Variants in TCF12 observed in about 807,000 individuals in gnomAD.
The protein encoded by TCF12 is DNA-binding protein HTF4.
A neutral mutation model predicts 86.0 loss-of-function variants in TCF12; 45 were observed. The observed-to-expected ratio is 0.52, with a 90% CI of 0.41 to 0.67. TCF12 has a LOEUF of 0.67. TCF12 is among the 30% of genes least tolerant of loss of function. The pLI, the probability that TCF12 is intolerant of heterozygous loss-of-function variation, is 0.00. For synonymous variants in TCF12, 330 were observed against 299.6 expected (o/e 1.10, Z -1.05); for missense variants, 881 against 859.9 (o/e 1.02, Z -0.31).
At chr15:57,256,531 T>G (rs1279162776) in intron 16 of TCF12, among the ~76,000 whole-genome samples, 3 of 151,518 alleles carry the variant, frequency 2.0e-5, no homozygotes, top group African/African-American at 7.3e-5. Flanking sequence ...GGTTTTACAT[T>G]CTGGAATCGA....
intron 5 of TCF12, among the ~76,000 whole-genome samples, chr15:57,128,739 T>C (rs2051870136): frequency 6.6e-6 from 1 of 152,216 alleles, no homozygotes; most frequent in Non-Finnish European, 1.5e-5. Flanking sequence ...TTTCTCTCTG[T>C]ATAGATTTGC....
chr15:56,932,282 A>C (rs2060279768), intron 3 of TCF12, among the ~76,000 whole-genome samples: 1 of 152,224 alleles, frequency 6.6e-6, no homozygotes, highest in African/African-American at 2.4e-5. Flanking sequence ...TGTTCATTTT[A>C]CAGAGGAAAT....
At position 56,984,249 on chromosome 15, in the gene TCF12, G is replaced by GGTGTGTGTGTGTGTGTGT. The variant is rs56221122; in HGVS notation, c.148+63179_148+63196dup. On this transcript the variant is annotated intron_variant, in intron 3 of 20. Coordinates refer to ENST00000333725, the MANE Select transcript of TCF12 (RefSeq NM_207037.2). ...ACAAATTTAGGAAAAGCATGTGCATGGTGTGTGTGTGTGTGTGTGTGTGTG... is the reference window on the plus strand; with the variant it reads ...ACAAATTTAGGAAAAGCATGTGCATGGTGTGTGTGTGTGTGTGTGTGTGTGTGTGTGTGTGTGTGTGTG... 5.8e-4 allele frequency among the ~76,000 whole-genome samples: 71 copies of GGTGTGTGTGTGTGTGTGT among 123,074 alleles called. 1 individual carries two copies. Among genetic ancestry groups the GGTGTGTGTGTGTGTGTGT allele is most frequent in the Middle Eastern group, 4.1e-3 (1 of 246 alleles). 80.7% of individuals were successfully genotyped at this position (123,074 alleles called of 152,430 possible).
chr15:57,088,726 C>T (rs1345066526), intron 4 of TCF12, among the ~76,000 whole-genome samples: 1 of 151,988 alleles, frequency 6.6e-6, no homozygotes, highest in African/African-American at 2.4e-5. Flanking sequence ...GTTAGAAATT[C>T]AGAATCTTAA....
At chr15:56,944,667 C>T (rs534666602) in intron 3 of TCF12, among the ~76,000 whole-genome samples, 10 of 152,174 alleles carry the variant, frequency 6.6e-5, no homozygotes, top group South Asian at 4.1e-4. Flanking sequence ...TAGATATTTT[C>T]GTAGAATATT....
chr15:57,173,191 C>T (rs2055651278), intron 6 of TCF12, among the ~76,000 whole-genome samples: 1 of 152,220 alleles, frequency 6.6e-6, no homozygotes, highest in South Asian at 2.1e-4. Context: ...ACAGGAAATT[C>T]AGAAGATATT....
At position 57,281,104 on chromosome 15, in the gene TCF12, C is replaced by CTTTT. The variant is rs5812880; in HGVS notation, c.1979-1327_1979-1324dup. Among the ~76,000 whole-genome samples, 68 of 133,974 alleles carry CTTTT rather than the reference C, an allele frequency of 5.1e-4. 2 individuals are homozygous for CTTTT. Among genetic ancestry groups the CTTTT allele is most frequent in the Non-Finnish European group, 8.6e-4 (55 of 64,118 alleles). 87.9% of individuals were successfully genotyped at this position (133,974 alleles called of 152,430 possible). ...TTATTTCTCACAGTAGCACCCTATT[C>CTTTT]TTTTTTTTTTTTTTTTTGAGACAGG... On this transcript the variant is annotated intron_variant, in intron 19 of 20. Coordinates refer to ENST00000333725, the MANE Select transcript of TCF12 (RefSeq NM_207037.2).
intron 5 of TCF12, among the ~76,000 whole-genome samples, chr15:57,132,667 G>T (rs1456997039): frequency 3.9e-5 from 6 of 152,050 alleles, no homozygotes; most frequent in Admixed American, 3.9e-4. Flanking sequence ...TTGCTGGTTT[G>T]CTTTTTTTAA....
At chr15:57,278,600 C>A in intron 19 of TCF12, 1 of 211,244 alleles carries the variant, frequency 4.7e-6, no homozygotes, top group South Asian at 9.0e-5. Flanking sequence ...GAGGTCATAA[C>A]AAGGTTGGAG....
chr15:57,247,136 TTCACTCCACCG>T (rs2059901853), intron 13 of TCF12: 2 of 570,900 alleles, frequency 3.5e-6, no homozygotes, highest in Non-Finnish European at 6.6e-6. Flanking sequence ...AATTTCCTCC[TTCACTCCACCG>T]TCACTCCACC....
chr15:57,220,415 C>A (rs548039204), intron 8 of TCF12, among the ~76,000 whole-genome samples: 1 of 152,236 alleles, frequency 6.6e-6, no homozygotes, highest in Admixed American at 6.5e-5. Context: ...GGTCCAGAGC[C>A]TGACTTCTCT....
chr15:56,921,179 A>C (rs1354340873), intron 3 of TCF12, 81 bp downstream of exon 3: 1 of 1,023,332 alleles, frequency 9.8e-7, no homozygotes, highest in African/African-American at 1.6e-5. Context: ...CATAACATTT[A>C]AATATTATTG....
chr15:57,041,542 A>T (rs1187126398), intron 3 of TCF12, among the ~76,000 whole-genome samples: 1 of 152,212 alleles, frequency 6.6e-6, no homozygotes, highest in African/African-American at 2.4e-5. Context: ...AGTTAGACAA[A>T]GAAACTAAGT....
chr15:57,076,715 A>G (rs1292926293), intron 4 of TCF12, among the ~76,000 whole-genome samples: 3 of 152,088 alleles, frequency 2.0e-5, no homozygotes, highest in East Asian at 1.9e-4. Context: ...TTCCCTCGAT[A>G]TTACTTAAGA....
chr15:57,080,348 A>G (rs1265423051), intron 4 of TCF12, among the ~76,000 whole-genome samples: 1 of 152,194 alleles, frequency 6.6e-6, no homozygotes, highest in Non-Finnish European at 1.5e-5. Context: ...AAGCAGGGGT[A>G]CTGTCTGCCT....
intron 5 of TCF12, among the ~76,000 whole-genome samples, chr15:57,100,167 A>C (rs1166856416): frequency 2.0e-5 from 3 of 152,136 alleles, no homozygotes; most frequent in Non-Finnish European, 1.5e-5. Flanking sequence ...ATGAACTCCT[A>C]ACCAGAGATG....
chr15:56,999,190 T>G (rs1303942673), intron 3 of TCF12, among the ~76,000 whole-genome samples: 6 of 141,056 alleles, frequency 4.3e-5, no homozygotes, highest in Non-Finnish European at 7.6e-5. Context: ...AGAGTGAGAC[T>G]CCATCTCAAA....
intron 5 of TCF12, among the ~76,000 whole-genome samples, chr15:57,108,451 C>G (rs1242466147): frequency 1.3e-5 from 2 of 152,128 alleles, no homozygotes; most frequent in African/African-American, 2.4e-5. Flanking sequence ...TTTATAATGT[C>G]AATCAAATCT....
At position 57,054,773 on chromosome 15, in the gene TCF12, C is replaced by CTTTTTTT. The variant is rs35859330; in HGVS notation, c.149-8954_149-8948dup. On this transcript the variant is annotated intron_variant, in intron 3 of 20. Transcript: ENST00000333725. ...AGCTGGCTTTTTTGCAATGCCTCTG[C>CTTTTTTT]TTTTTTTTTTTTTTTTTTTTTTTTT... Among the ~76,000 whole-genome samples, 36 of 24,186 alleles carry CTTTTTTT rather than the reference C, an allele frequency of 1.5e-3. 10 individuals carry two copies. The highest frequency in any genetic ancestry group is 4.8e-3 in the African/African-American group (33 of 6,846). 15.9% of individuals were successfully genotyped at this position (24,186 alleles called of 152,430 possible).
Sources: gnomAD v4.1 joint callset for allele counts (sites outside exome capture counted in the v4.1 genomes callset) on GRCh38, gnomAD v4.1.1 for gene constraint, MANE v1.5 for transcripts, NCBI Gene and HGNC (gene_info 2026-07-23, HGNC 2026-07-21) for gene names.